The following NDUFS1 variants were observed in gnomAD, a reference collection of about 807,000 sequenced individuals.
The protein encoded by NDUFS1 is NADH:ubiquinone oxidoreductase core subunit S1, also known as NADH-ubiquinone oxidoreductase 75 kDa subunit, mitochondrial.
NDUFS1 carries 61 observed loss-of-function variants against 84.4 expected under a neutral mutation model. The observed-to-expected ratio is 0.72, with a 90% CI of 0.59 to 0.89. The LOEUF is 0.89. Ranked by LOEUF, NDUFS1 falls within the 40% of genes least tolerant of loss-of-function variation. NDUFS1 has a pLI of 0.00. For missense variants in NDUFS1, 891 were observed against 890.0 expected, an observed-to-expected ratio of 1.00 and a Z score of -0.01; for synonymous variants, 275 against 290.0, an observed-to-expected ratio of 0.95 and a Z score of 0.53.
At chr2:206,153,549 G>A in intron 2 of NDUFS1, 69 bp downstream of exon 2, 1 of 908,128 alleles carries the variant, frequency 1.1e-6, no homozygotes, top group Admixed American at 1.9e-5. Flanking sequence ...GATAAACTAT[G>A]CCATAGACTT....
chr2:206,116,060 A>G lies in NDUFS1; in HGVS notation c.*8125T>C, dbSNP rs1690935354. 3 of 935,872 alleles carry G rather than the reference A, an allele frequency of 3.2e-6. No individual in the cohort carries two copies. Among genetic ancestry groups the G allele is most frequent in the Non-Finnish European group, 5.3e-6 (3 of 562,504 alleles). 58.0% of individuals were successfully genotyped at this position (935,872 alleles called of 1,614,324 possible). A position where few individuals can be genotyped will look rare whatever the true frequency, so the allele number is the denominator to read the frequency against. On this transcript the variant is annotated 3_prime_UTR_variant, in exon 19 of 19. Transcript: ENST00000233190. ...TTCTATCCACCACTAATTTAGGACA[A>G]CTCTGCTGGGTTGCGTTATTTCATA...
At chr2:206,141,480 C>T (rs983843804) in intron 12 of NDUFS1, among the ~76,000 whole-genome samples, 2 of 151,004 alleles carry the variant, frequency 1.3e-5, no homozygotes, top group South Asian at 2.1e-4. Flanking sequence ...TGAAGTGAGC[C>T]GAGATCGCAC....
chr2:206,115,941 T>A lies in NDUFS1; in HGVS notation c.*8244A>T. On this transcript the variant is annotated 3_prime_UTR_variant, in exon 19 of 19. Transcript: ENST00000233190. ...AGACACATATTATGTTTATCTACAA[T>A]CATTAGAAAGTTAAAAGGCATCTTC... 2 of 660,740 alleles carry A rather than the reference T, an allele frequency of 3.0e-6. No individual in the cohort carries two copies. The highest frequency in any genetic ancestry group is 3.4e-5 in the South Asian group (2 of 58,354). 40.9% of individuals were successfully genotyped at this position (660,740 alleles called of 1,614,324 possible).
rs1177632556 is a variant in NDUFS1, at chr2:206,121,318, T to G, written c.*2867A>C. 6.6e-6 allele frequency: 1 copy of G among 152,226 alleles called. No homozygotes were observed. The highest frequency in any genetic ancestry group is 1.5e-5 in the Non-Finnish European group (1 of 68,044). 9.4% of individuals were successfully genotyped at this position (152,226 alleles called of 1,614,324 possible). On this transcript the variant is annotated 3_prime_UTR_variant, in exon 19 of 19. Transcript: ENST00000233190. ...TACGTGTATTTTTCTTACATCTTTT[T>G]CAGTCTATTTTTCTCTAGCAATTAT...
chr2:206,147,290 CAT>C (rs1435519866), intron 7 of NDUFS1, among the ~76,000 whole-genome samples: 1 of 152,152 alleles, frequency 6.6e-6, no homozygotes, highest in East Asian at 1.9e-4. Flanking sequence ...TTGTACAAAT[CAT>C]ATGTGTACAA....
chr2:206,155,621 T>C (rs1268556078), intron 1 of NDUFS1, among the ~76,000 whole-genome samples: 5 of 151,980 alleles, frequency 3.3e-5, no homozygotes, highest in African/African-American at 7.2e-5. Flanking sequence ...TTTCGCCACG[T>C]TGGCCAAGGT....
rs75671581 is a variant in NDUFS1 at position 206,132,660 on chromosome 2, A to C, written c.1553+285T>G. Among the ~76,000 whole-genome samples, 16 of 152,360 alleles carry C rather than the reference A, an allele frequency of 1.1e-4. No individual in the cohort carries two copies. The East Asian group carries it at 2.9e-3, about 28-fold the overall frequency. ...ATATTAGCTTACATTTTTATCATTT[A>C]ATTAAAGAACTTGTTGCAATTTTTG... is the stretch of plus-strand genomic sequence containing the variant. On this transcript the variant is annotated intron_variant, in intron 14 of 18. Transcript: ENST00000233190.
At chr2:206,133,726 C>CCAACA (rs1345697678) in intron 13 of NDUFS1, among the ~76,000 whole-genome samples, 1 of 152,140 alleles carries the variant, frequency 6.6e-6, no homozygotes, top group Non-Finnish European at 1.5e-5. Context: ...GCCTGTAATC[C>CCAACA]CAACACTTTG....
chr2:206,141,913 T>G (rs2105966805), intron 12 of NDUFS1, 28 bp downstream of exon 12: 1 of 1,586,842 alleles, frequency 6.3e-7, no homozygotes, highest in Middle Eastern at 1.7e-4. Context: ...TAAATATTTT[T>G]AAACCTTGAA....
In NDUFS1 at chr2:206,137,536, T is replaced by C. The variant is rs144731916; in HGVS notation, c.1392+949A>G. 5.5e-3 allele frequency among the ~76,000 whole-genome samples: 827 copies of C among 151,354 alleles called. 15 individuals carry two copies. Among genetic ancestry groups the C allele is most frequent in the African/African-American group, 0.019 (789 of 41,190 alleles). ...TTGGGGCGGGGCGGAGGAATAAAGT[T>C]TACATGCTTCTTCACTAACAAAAGG... On this transcript the variant is annotated intron_variant, in intron 13 of 18. Transcript: ENST00000233190.
Position 206,117,362 on chromosome 2 carries a change from A to G in NDUFS1, c.*6823T>C, listed in dbSNP as rs992214686. 6.6e-6 allele frequency: 1 copy of G among 152,244 alleles called. No individual in the cohort carries two copies. The highest frequency in any genetic ancestry group is 2.4e-5 in the African/African-American group (1 of 41,468). The allele number at this position is 152,244 out of a possible 1,614,324, so 9.4% of individuals were successfully genotyped here. A position where few individuals can be genotyped will look rare whatever the true frequency, so the allele number is the denominator to read the frequency against. Reference sequence around the variant, plus strand: ...TTAGTATACTGTTAGCTTCTTGAGGACATTAGCTAAATTGTATTTCTCTTT... The same window carrying G: ...TTAGTATACTGTTAGCTTCTTGAGGGCATTAGCTAAATTGTATTTCTCTTT... On this transcript the variant is annotated 3_prime_UTR_variant, in exon 19 of 19. Transcript: ENST00000233190.
At chr2:206,156,693 C>T (rs1172556458) in intron 1 of NDUFS1, among the ~76,000 whole-genome samples, 2 of 152,070 alleles carry the variant, frequency 1.3e-5, no homozygotes, top group African/African-American at 4.8e-5. Context: ...AGGTTTTAAG[C>T]ACAAAATTCT....
chr2:206,116,597 C>G lies in NDUFS1; in HGVS notation c.*7588G>C. ...GAAGTAAATTTCTTTATAAATTACC[C>G]AGTCTGGGCCTGGTGTGTTGGCTCA... On this transcript the variant is annotated 3_prime_UTR_variant, in exon 19 of 19. Transcript: ENST00000233190. 1.9e-6 allele frequency: 1 copy of G among 527,514 alleles called. No homozygotes were observed. Among genetic ancestry groups the G allele is most frequent in the Admixed American group, 3.1e-5 (1 of 32,756 alleles). The allele number at this position is 527,514 out of a possible 1,614,324, so 32.7% of individuals were successfully genotyped here. A position where few individuals can be genotyped will look rare whatever the true frequency, so the allele number is the denominator to read the frequency against.
chr2:206,129,773 G>A (rs1448358292), intron 15 of NDUFS1, among the ~76,000 whole-genome samples: 1 of 151,870 alleles, frequency 6.6e-6, no homozygotes, highest in African/African-American at 2.4e-5. Context: ...TATGTTTTTA[G>A]TACAGACAGG....
At chr2:206,128,981 A>C (rs1016790125) in intron 15 of NDUFS1, among the ~76,000 whole-genome samples, 10 of 152,132 alleles carry the variant, frequency 6.6e-5, no homozygotes, top group African/African-American at 2.4e-4. Flanking sequence ...AAAGACAGGA[A>C]TATGACAGTA....
chr2:206,130,346 A>G (rs1691462841), intron 14 of NDUFS1, 104 bp from the exon 15 acceptor site: 5 of 1,318,166 alleles, frequency 3.8e-6, no homozygotes, highest in Non-Finnish European at 5.2e-6. Flanking sequence ...CAAAAAACCC[A>G]TTTTATTTTA....
intron 5 of NDUFS1, among the ~76,000 whole-genome samples, chr2:206,148,441 G>A (rs2105976143): frequency 6.6e-6 from 1 of 152,086 alleles, no homozygotes; most frequent in East Asian, 1.9e-4. Flanking sequence ...ACACAATCTG[G>A]AAAATGCTTA....
intron 13 of NDUFS1, 27 bp downstream of exon 13, chr2:206,138,458 G>A (rs1691806577): frequency 1.9e-6 from 3 of 1,603,190 alleles, no homozygotes; most frequent in Non-Finnish European, 2.6e-6. Context: ...AAATCAACAA[G>A]AGTAGATACA....
chr2:206,154,600 T>A (rs553528191), intron 1 of NDUFS1, among the ~76,000 whole-genome samples: 199 of 152,324 alleles, frequency 1.3e-3, no homozygotes, highest in Admixed American at 5.3e-3. Context: ...AACAGAAAAG[T>A]TACCAAAACT....
Sources: gnomAD v4.1 joint callset for allele counts (sites outside exome capture counted in the v4.1 genomes callset) on GRCh38, gnomAD v4.1.1 for gene constraint, MANE v1.5 for transcripts, NCBI Gene and HGNC (gene_info 2026-07-23, HGNC 2026-07-21) for gene names.